CTNND2: variants seen among roughly 807,000 people sequenced by gnomAD.
The protein encoded by CTNND2 is catenin delta-2.
Under a neutral mutation model 144.4 loss-of-function variants are expected in CTNND2, and 22 were observed. The ratio of observed to expected loss-of-function variants is 0.15; its 90% CI spans 0.11 to 0.22. The LOEUF is 0.22. Among genes scored for constraint, CTNND2 ranks in the 10% least tolerant of loss-of-function variants. The pLI is 1.00. For synonymous variants in CTNND2, 751 were observed against 695.6 expected (o/e 1.08, Z -1.25); for missense variants, 1,353 against 1,618.8 (o/e 0.84, Z 2.82).
intron 16 of CTNND2, among the ~76,000 whole-genome samples, chr5:11,050,441 T>C (rs1024145669): frequency 1.3e-5 from 2 of 152,206 alleles, no homozygotes; most frequent in Admixed American, 1.3e-4. Flanking sequence ...AAACTAATAA[T>C]AGATAATTTT....
intron 3 of CTNND2, among the ~76,000 whole-genome samples, chr5:11,499,122 T>C (rs1464343092): frequency 1.3e-5 from 2 of 152,184 alleles, no homozygotes; most frequent in Non-Finnish European, 2.9e-5. Flanking sequence ...TGTATTCTAC[T>C]ATATCTCAAG....
intron 2 of CTNND2, among the ~76,000 whole-genome samples, chr5:11,625,389 A>ATCTCTCTC (rs57148533): frequency 0.048 from 6,799 of 140,396 alleles, 265 homozygotes; most frequent in Middle Eastern, 0.12. Context: ...AAACAGAAAA[A>ATCTCTCTC]TCTCTCTCTC....
At chr5:11,414,638 G>T in intron 3 of CTNND2, among the ~76,000 whole-genome samples, 1 of 152,162 alleles carries the variant, frequency 6.6e-6, no homozygotes, top group East Asian at 1.9e-4. Context: ...CCATGCGAAG[G>T]TTTGTTACAC....
At chr5:11,022,528 A>T (rs905560534) in intron 17 of CTNND2, among the ~76,000 whole-genome samples, 1 of 152,170 alleles carries the variant, frequency 6.6e-6, no homozygotes, top group Non-Finnish European at 1.5e-5. Context: ...ACCTTCATGT[A>T]TCCAGGTTGA....
chr5:11,271,862 A>G (rs1261584156), intron 9 of CTNND2, among the ~76,000 whole-genome samples: 1 of 152,150 alleles, frequency 6.6e-6, no homozygotes, highest in Non-Finnish European at 1.5e-5. Flanking sequence ...CTCACTTAAC[A>G]TAAGGAGAAA....
intron 3 of CTNND2, among the ~76,000 whole-genome samples, chr5:11,534,702 T>C (rs1025348555): frequency 6.6e-6 from 1 of 152,160 alleles, no homozygotes; most frequent in African/African-American, 2.4e-5. Flanking sequence ...GGTTTCATGA[T>C]TGAAAACAGG....
intron 16 of CTNND2, among the ~76,000 whole-genome samples, chr5:11,031,297 G>C (rs1277798019): frequency 6.6e-6 from 1 of 152,074 alleles, no homozygotes; most frequent in Non-Finnish European, 1.5e-5. Context: ...ACAGATCCAC[G>C]ATATTTAGAG....
intron 2 of CTNND2, among the ~76,000 whole-genome samples, chr5:11,596,515 T>G (rs1779510474): frequency 6.6e-6 from 1 of 152,202 alleles, no homozygotes. Context: ...AGAGACTACT[T>G]TAAAAATATT....
chr5:11,503,455 T>C (rs1770725669), intron 3 of CTNND2, among the ~76,000 whole-genome samples: 1 of 152,230 alleles, frequency 6.6e-6, no homozygotes, highest in Non-Finnish European at 1.5e-5. Flanking sequence ...AAGGTTTTCT[T>C]ATTATTTAAA....
chr5:11,122,740 G>T (rs1292852376), intron 12 of CTNND2, among the ~76,000 whole-genome samples: 3 of 151,958 alleles, frequency 2.0e-5, no homozygotes, highest in East Asian at 3.9e-4. Context: ...GAGTGGGGTG[G>T]GCTGTCTGGA....
At chr5:11,545,662 CAAAAAAAAAAAAA>C (rs34532125) in intron 3 of CTNND2, among the ~76,000 whole-genome samples, 1 of 74,272 alleles carries the variant, frequency 1.3e-5, no homozygotes, top group Admixed American at 1.8e-4. Flanking sequence ...GACTGTGTCT[CAAAAAAAAAAAAA>C]AAAAAAAAAG....
At chr5:11,018,578 A>G (rs1741876988) in intron 17 of CTNND2, among the ~76,000 whole-genome samples, 1 of 152,230 alleles carries the variant, frequency 6.6e-6, no homozygotes, top group African/African-American at 2.4e-5. Flanking sequence ...CCCAGTGAAC[A>G]CACGAATAAT....
intron 9 of CTNND2, among the ~76,000 whole-genome samples, chr5:11,287,233 C>T (rs1011851281): frequency 1.3e-5 from 2 of 152,140 alleles, no homozygotes; most frequent in Non-Finnish European, 2.9e-5. Flanking sequence ...TTAAATCAGT[C>T]AACTTTAAGT....
intron 3 of CTNND2, among the ~76,000 whole-genome samples, chr5:11,465,979 C>A (rs1048995589): frequency 2.0e-5 from 3 of 152,108 alleles, no homozygotes; most frequent in African/African-American, 7.2e-5. Flanking sequence ...AAACGAACTT[C>A]ATGAAATTTT....
At chr5:11,284,612 C>T (rs559031342) in intron 9 of CTNND2, among the ~76,000 whole-genome samples, 106 of 152,248 alleles carry the variant, frequency 7.0e-4, no homozygotes, top group African/African-American at 2.2e-3. Context: ...TTTATGGCTG[C>T]GTAGTATTCT....
intron 16 of CTNND2, among the ~76,000 whole-genome samples, chr5:11,043,824 T>C (rs937438864): frequency 2.0e-5 from 3 of 152,154 alleles, no homozygotes; most frequent in Non-Finnish European, 4.4e-5. Flanking sequence ...GTAAAAGAGA[T>C]TGCATGGAAG....
At chr5:11,895,291 C>A (rs1737303632) in intron 1 of CTNND2, among the ~76,000 whole-genome samples, 1 of 152,164 alleles carries the variant, frequency 6.6e-6, no homozygotes, top group South Asian at 2.1e-4. Flanking sequence ...AGAAAAGCAT[C>A]TGGCATCTGT....
At chr5:11,320,152 CAGGTA>C (rs1187272468) in intron 9 of CTNND2, among the ~76,000 whole-genome samples, 1 of 152,204 alleles carries the variant, frequency 6.6e-6, no homozygotes, top group Non-Finnish European at 1.5e-5. Context: ...ACTTACAACA[CAGGTA>C]AATATCAAAA....
rs10627159 is a variant in CTNND2, at chr5:11,330,483, C to CAAAA, written c.1628+15885_1628+15888dup. ...TGGGTGACAGAGAGAGACTCCGTCT[C>CAAAA]AAAAAAAAAAAAAAAAAAAAAAAAA... On this transcript the variant is annotated intron_variant, in intron 9 of 21. Transcript: ENST00000304623. Among the ~76,000 whole-genome samples the CAAAA allele has an allele frequency of 9.7e-4, 42 of 43,420 alleles. 4 individuals carry two copies. Among genetic ancestry groups the CAAAA allele is most frequent in the African/African-American group, 2.0e-3 (23 of 11,260 alleles). 28.5% of individuals were successfully genotyped at this position (43,420 alleles called of 152,430 possible).
Sources: allele counts gnomAD v4.1 joint callset (sites outside exome capture counted in the v4.1 genomes callset), GRCh38; gene constraint gnomAD v4.1.1; transcripts MANE v1.5; gene names NCBI Gene and HGNC (gene_info 2026-07-23, HGNC 2026-07-21).